TNNI3K: variants seen among roughly 807,000 people sequenced by gnomAD.
TNNI3K encodes the protein serine/threonine-protein kinase TNNI3K.
TNNI3K carries 140 observed loss-of-function variants against 114.5 expected under a neutral mutation model. That is an observed-to-expected ratio of 1.22 (90% CI 1.07 to 1.41). The LOEUF (loss-of-function observed/expected upper bound fraction) is 1.41. Among genes scored for constraint, TNNI3K ranks in the 40% most tolerant of loss-of-function variants. The pLI is 0.00. For synonymous variants in TNNI3K, 347 were observed against 347.5 expected (o/e 1.00, Z 0.02); for missense variants, 1,125 against 1,007.6 (o/e 1.12, Z -1.58).
intron 5 of TNNI3K, among the ~76,000 whole-genome samples, chr1:74,302,055 T>A (rs1490100677): frequency 6.6e-6 from 1 of 152,254 alleles, no homozygotes; most frequent in Non-Finnish European, 1.5e-5. Context: ...TAGTGGCAGC[T>A]CTGCATCAGT....
chr1:74,452,857 C>A (rs1667084209), intron 20 of TNNI3K, among the ~76,000 whole-genome samples: 4 of 152,324 alleles, frequency 2.6e-5, no homozygotes, highest in African/African-American at 9.6e-5. Flanking sequence ...ATATCCCCAG[C>A]ATGTGTCCTC....
At chr1:74,515,615 G>A (rs970900509) in intron 23 of TNNI3K, among the ~76,000 whole-genome samples, 1 of 152,140 alleles carries the variant, frequency 6.6e-6, no homozygotes, top group Non-Finnish European at 1.5e-5. Flanking sequence ...CATAACTCAG[G>A]GTGGGCAGGT....
At chr1:74,346,980 C>CTATT (rs946426662) in intron 9 of TNNI3K, among the ~76,000 whole-genome samples, 3 of 150,666 alleles carry the variant, frequency 2.0e-5, no homozygotes, top group South Asian at 2.1e-4. Flanking sequence ...AATTAAATAC[C>CTATT]TATTTATTTA....
At chr1:74,465,975 A>G (rs1667662083) in intron 21 of TNNI3K, among the ~76,000 whole-genome samples, 1 of 152,084 alleles carries the variant, frequency 6.6e-6, no homozygotes, top group Non-Finnish European at 1.5e-5. Flanking sequence ...GGAAGCTATG[A>G]TTTTTGCTCT....
intron 2 of TNNI3K, among the ~76,000 whole-genome samples, chr1:74,242,238 T>C (rs1421846510): frequency 6.6e-6 from 1 of 152,184 alleles, no homozygotes; most frequent in Non-Finnish European, 1.5e-5. Context: ...GGTCAGTAAT[T>C]ACAGTGCCTC....
chr1:74,386,857 T>C (rs1467460819), intron 17 of TNNI3K, among the ~76,000 whole-genome samples: 1 of 152,188 alleles, frequency 6.6e-6, no homozygotes, highest in East Asian at 1.9e-4. Flanking sequence ...TGACTATAAA[T>C]GACTCACAGA....
At chr1:74,320,667 A>G (rs2100381023) in intron 5 of TNNI3K, among the ~76,000 whole-genome samples, 1 of 152,312 alleles carries the variant, frequency 6.6e-6, no homozygotes, top group South Asian at 2.1e-4. Flanking sequence ...CTTGATACTC[A>G]TTAACCAATG....
At chr1:74,520,035 C>G (rs1264132267) in intron 23 of TNNI3K, among the ~76,000 whole-genome samples, 1 of 152,106 alleles carries the variant, frequency 6.6e-6, no homozygotes, top group South Asian at 2.1e-4. Context: ...TTTTGGGGAA[C>G]AGGTGGTATT....
At chr1:74,394,894 A>T (rs1663994329) in intron 17 of TNNI3K, among the ~76,000 whole-genome samples, 1 of 151,906 alleles carries the variant, frequency 6.6e-6, no homozygotes, top group African/African-American at 2.4e-5. Flanking sequence ...AATACAAACA[A>T]TTAGCCAGGC....
At chr1:74,502,507 T>A (rs943405854) in intron 23 of TNNI3K, among the ~76,000 whole-genome samples, 1 of 152,238 alleles carries the variant, frequency 6.6e-6, no homozygotes, top group Non-Finnish European at 1.5e-5. Context: ...TTTCATTACA[T>A]CATGCTATCT....
intron 17 of TNNI3K, chr1:74,373,303 C>T (rs1049223284): frequency 8.6e-5 from 13 of 151,846 alleles, no homozygotes; most frequent in Non-Finnish European, 1.2e-4. Flanking sequence ...TGGAGCTAAA[C>T]GTAGAGTTTG....
At chr1:74,246,032 T>C (rs1279030436) in intron 2 of TNNI3K, among the ~76,000 whole-genome samples, 1 of 152,238 alleles carries the variant, frequency 6.6e-6, no homozygotes, top group Non-Finnish European at 1.5e-5. Context: ...GTTAAGAATT[T>C]AACTCACTTC....
chr1:74,319,774 G>T (rs1009176940), intron 5 of TNNI3K, among the ~76,000 whole-genome samples: 2 of 152,116 alleles, frequency 1.3e-5, no homozygotes, highest in Non-Finnish European at 2.9e-5. Flanking sequence ...ACGGGTGCTG[G>T]GTTATGCCCC....
intron 22 of TNNI3K, among the ~76,000 whole-genome samples, chr1:74,489,833 T>C (rs1668962716): frequency 6.6e-6 from 1 of 152,022 alleles, no homozygotes; most frequent in Non-Finnish European, 1.5e-5. Flanking sequence ...TTCAAAATAA[T>C]CGAGGGAGCT....
chr1:74,450,567 C>G (rs1666944701), intron 20 of TNNI3K, among the ~76,000 whole-genome samples: 1 of 151,662 alleles, frequency 6.6e-6, no homozygotes, highest in Non-Finnish European at 1.5e-5. Flanking sequence ...GAAAAAAAAC[C>G]CATTAAAAAG....
intron 5 of TNNI3K, among the ~76,000 whole-genome samples, chr1:74,276,516 C>T (rs1299208559): frequency 2.0e-5 from 3 of 152,036 alleles, no homozygotes; most frequent in African/African-American, 7.2e-5. Context: ...AAAAGTAGAG[C>T]ACATTGGGAT....
intron 2 of TNNI3K, among the ~76,000 whole-genome samples, chr1:74,245,883 C>A (rs1654522959): frequency 6.6e-6 from 1 of 152,138 alleles, no homozygotes; most frequent in Non-Finnish European, 1.5e-5. Flanking sequence ...TCCCCTGCAG[C>A]AAAACACATA....
intron 4 of TNNI3K, among the ~76,000 whole-genome samples, chr1:74,269,171 T>A (rs980262743): frequency 6.6e-6 from 1 of 151,934 alleles, no homozygotes; most frequent in African/African-American, 2.4e-5. Context: ...GATTAACCAG[T>A]TTAAAATAGC....
chr1:74,274,219 CTATT>C (rs1432734833), intron 5 of TNNI3K, among the ~76,000 whole-genome samples: 2 of 151,766 alleles, frequency 1.3e-5, no homozygotes, highest in African/African-American at 4.8e-5. Context: ...AATATATTTA[CTATT>C]TATTAAGTGG....
Sources: allele counts gnomAD v4.1 joint callset (sites outside exome capture counted in the v4.1 genomes callset), GRCh38; gene constraint gnomAD v4.1.1; transcripts MANE v1.5; gene names NCBI Gene and HGNC (gene_info 2026-07-23, HGNC 2026-07-21).